SLC38A1: variants seen among roughly 807,000 people sequenced by gnomAD.
SLC38A1 encodes solute carrier family 38 member 1.
A neutral mutation model predicts 60.3 loss-of-function variants in SLC38A1; 18 were observed. The ratio of observed to expected loss-of-function variants is 0.30; its 90% CI spans 0.21 to 0.44. SLC38A1 has a LOEUF of 0.44. SLC38A1 is among the 20% of genes least tolerant of loss of function. SLC38A1 has a pLI of 1.00. For missense variants in SLC38A1, 448 were observed against 587.2 expected (o/e 0.76, Z 2.45); for synonymous variants, 196 against 212.1 (o/e 0.92, Z 0.66).
intron 1 of SLC38A1, among the ~76,000 whole-genome samples, chr12:46,248,144 C>T (rs1373388682): frequency 6.6e-6 from 1 of 152,144 alleles, no homozygotes; most frequent in African/African-American, 2.4e-5. Context: ...GCAAAATAAC[C>T]AACTAACATC....
At chr12:46,230,211 G>C (rs758651980) in intron 3 of SLC38A1, among the ~76,000 whole-genome samples, 1 of 152,128 alleles carries the variant, frequency 6.6e-6, no homozygotes, top group Non-Finnish European at 1.5e-5. Context: ...CTGTTTCACC[G>C]TCAGACATTC....
At chr12:46,206,057 A>T in intron 9 of SLC38A1, 23 bp downstream of exon 9, 1 of 1,555,038 alleles carries the variant, frequency 6.4e-7, no homozygotes, top group Non-Finnish European at 8.9e-7. Context: ...GCAGAATATG[A>T]TAAAAGCAAA....
chr12:46,217,756 T>G (rs1328672218), intron 5 of SLC38A1, among the ~76,000 whole-genome samples: 1 of 152,212 alleles, frequency 6.6e-6, no homozygotes, highest in Non-Finnish European at 1.5e-5. Context: ...ACGGTGACCT[T>G]GTAGCATGTG....
chr12:46,220,478 A>G (rs935813868), intron 5 of SLC38A1, among the ~76,000 whole-genome samples: 1 of 152,200 alleles, frequency 6.6e-6, no homozygotes, highest in African/African-American at 2.4e-5. Flanking sequence ...ATCATCCGGA[A>G]GAGTAGGGTT....
At chr12:46,199,524 AT>A (rs113315443) in intron 13 of SLC38A1, among the ~76,000 whole-genome samples, 2,343 of 137,614 alleles carry the variant, frequency 0.017, 37 homozygotes, top group East Asian at 0.084. Flanking sequence ...TAATTTTTGT[AT>A]TTTTTTTTTT....
intron 1 of SLC38A1, among the ~76,000 whole-genome samples, chr12:46,256,162 T>C (rs990474334): frequency 1.1e-4 from 14 of 122,552 alleles, no homozygotes; most frequent in Admixed American, 6.9e-4. Flanking sequence ...AGAGGTTCTA[T>C]CTCAAAAAAA....
chr12:46,268,641 G>A lies in SLC38A1; in HGVS notation c.-324C>T. 1 of 237,334 alleles carries A rather than the reference G, an allele frequency of 4.2e-6. No homozygotes were observed. The highest frequency in any genetic ancestry group is 3.7e-5 in the South Asian group (1 of 27,038). The allele number at this position is 237,334 out of a possible 1,614,324, so 14.7% of individuals were successfully genotyped here. On this transcript the variant is annotated 5_prime_UTR_variant, in exon 1 of 17. Coordinates refer to ENST00000398637, the MANE Select transcript of SLC38A1 (RefSeq NM_030674.4). The surrounding 1 kb of genome is among the most constrained non-coding windows in gnomAD (Gnocchi z 4.4). ...GTCAAGGTCTGGCTGCGGAGGCCGG[G>A]AAAATGTGGCCCCCGTCAGTAAGGG... is the stretch of plus-strand genomic sequence containing the variant.
intron 5 of SLC38A1, among the ~76,000 whole-genome samples, chr12:46,216,628 A>G (rs769298808): frequency 6.6e-6 from 1 of 152,198 alleles, no homozygotes; most frequent in Non-Finnish European, 1.5e-5. Context: ...AGGTGGGCAG[A>G]TTGCCTGAGC....
In SLC38A1 at chr12:46,186,130, T is replaced by C. The variant is rs1938929296; in HGVS notation, c.*2840A>G. On this transcript the variant is annotated 3_prime_UTR_variant, in exon 17 of 17. Transcript: ENST00000398637. Reference sequence around the variant, plus strand: ...TCTCTAAAGGAAAATACATTCCAGGTTGCAAACAACCAACTGACAACCTTT... The same window carrying C: ...TCTCTAAAGGAAAATACATTCCAGGCTGCAAACAACCAACTGACAACCTTT... The C allele has an allele frequency of 6.6e-6, 1 of 152,138 alleles. No individual in the cohort carries two copies. Among genetic ancestry groups the C allele is most frequent in the Non-Finnish European group, 1.5e-5 (1 of 68,020 alleles). The allele number at this position is 152,138 out of a possible 1,614,324, so 9.4% of individuals were successfully genotyped here.
chr12:46,196,328 C>G, intron 16 of SLC38A1: 1 of 1,530,968 alleles, frequency 6.5e-7, no homozygotes, highest in Non-Finnish European at 8.7e-7. Flanking sequence ...ACATGGCATA[C>G]CATCCTGGGT....
chr12:46,239,620 G>A lies in SLC38A1; in HGVS notation c.122+59C>T. 6 of 1,597,422 alleles carry A rather than the reference G, an allele frequency of 3.8e-6. No homozygotes were observed. The South Asian group carries it at 4.4e-5, about 12-fold the overall frequency. ...GGCCTCCCAAAGTGATGGGATTACA[G>A]GTGTGAGCCACGAGCCATTTCTTTC... On this transcript the variant is annotated intron_variant, in intron 3 of 16. Transcript: ENST00000398637.
Position 46,258,696 on chromosome 12 carries a change from C to G in SLC38A1, c.-209+9830G>C, listed in dbSNP as rs553188513. On this transcript the variant is annotated intron_variant, in intron 1 of 16. Transcript: ENST00000398637. Reference sequence around the variant, plus strand: ...TGAGATGAAATCTCACTCTGTCACCCAGGCTGGAGTGTAGTGATGAGATCT... The same window carrying G: ...TGAGATGAAATCTCACTCTGTCACCGAGGCTGGAGTGTAGTGATGAGATCT... Among the ~76,000 whole-genome samples, 119 of 152,318 alleles carry G rather than the reference C, an allele frequency of 7.8e-4. No homozygotes were observed. The South Asian group carries it at 0.011, about 14-fold the overall frequency.
chr12:46,199,648 C>T (rs931103792), intron 13 of SLC38A1, among the ~76,000 whole-genome samples: 1 of 151,962 alleles, frequency 6.6e-6, no homozygotes, highest in Non-Finnish European at 1.5e-5. Context: ...TGCAAGCCAC[C>T]GTACCTGGCC....
At position 46,203,072 on chromosome 12, in the gene SLC38A1, G is replaced by A. The variant is rs200726994; in HGVS notation, c.840C>T (p.Pro280=). ...GGCAAACAAATGCAAATGCAATGGT[G>A]GGTAAAGCATACACGGTCTATTTGA... ...TFNSKTVYAL[P]TIAFAFVCHP... Residue 280 remains proline, a synonymous_variant, in exon 12 of 17, where the codon CCC becomes CCT. Transcript: ENST00000398637. 1 of 1,613,874 alleles carries A rather than the reference G, an allele frequency of 6.2e-7. No homozygotes were observed. The highest frequency in any genetic ancestry group is 8.5e-7 in the Non-Finnish European group (1 of 1,179,828).
chr12:46,227,205 C>T (rs74082026), intron 5 of SLC38A1, among the ~76,000 whole-genome samples: 2,552 of 152,190 alleles, frequency 0.017, 64 homozygotes, highest in African/African-American at 0.054. Context: ...TATATCCAAC[C>T]AAACTACCAA....
chr12:46,211,127 G>A (rs1308551029), intron 5 of SLC38A1, among the ~76,000 whole-genome samples: 1 of 152,180 alleles, frequency 6.6e-6, no homozygotes, highest in African/African-American at 2.4e-5. Flanking sequence ...GTTTCTTGCA[G>A]AGTTCACTTG....
chr12:46,229,671 AT>A lies in SLC38A1; in HGVS notation c.123-33del, dbSNP rs568745005. 6.1e-4 allele frequency: 949 copies of A among 1,560,054 alleles called. 9 individuals are homozygous for A. In the African/African-American group the frequency reaches 0.011, roughly 19 times the overall value. On this transcript the variant is annotated intron_variant, in intron 3 of 16. Coordinates refer to ENST00000398637, the MANE Select transcript of SLC38A1 (RefSeq NM_030674.4). ...AGACATGCGTAATATATTTAACCTT[AT>A]GATAATGATTTGAAGCTTGACATCT...
In SLC38A1 at chr12:46,206,107, G is replaced by A; in HGVS notation, c.619C>T (p.Leu207Phe). The A allele has an allele frequency of 6.2e-7, 1 of 1,612,102 alleles. No homozygotes were observed. Among genetic ancestry groups the A allele is most frequent in the Non-Finnish European group, 8.5e-7 (1 of 1,178,676 alleles). The change falls in exon 9 of 17, where the codon CTC (leucine) becomes TTC (phenylalanine). Residue 207 changes from leucine to phenylalanine, a missense_variant. Coordinates refer to ENST00000398637, the MANE Select transcript of SLC38A1 (RefSeq NM_030674.4). ...AAGTTCTTCAAGAGACACAGAGGGAGAATTATGCCAAAGGTAACTATCACC... is the reference window on the plus strand; with the variant it reads ...AAGTTCTTCAAGAGACACAGAGGGAAAATTATGCCAAAGGTAACTATCACC... ...LVVIVTFGII[L>F]PLCLLKNLGY... is the part of the protein sequence containing the mutation.
rs944278565 is a variant in SLC38A1, at chr12:46,184,072, T to G, written c.*4898A>C. On this transcript the variant is annotated 3_prime_UTR_variant, in exon 17 of 17. Coordinates refer to ENST00000398637, the MANE Select transcript of SLC38A1 (RefSeq NM_030674.4). ...TGCATAGATTCTTCCTTTAAAAACG[T>G]AAATTTGAGCCTGTATACAGATGGG... 6.6e-6 allele frequency: 1 copy of G among 152,624 alleles called. No individual in the cohort carries two copies. The highest frequency in any genetic ancestry group is 2.4e-5 in the African/African-American group (1 of 41,458). The allele number at this position is 152,624 out of a possible 1,614,324, so 9.5% of individuals were successfully genotyped here.
Sources: gnomAD v4.1 joint callset for allele counts (sites outside exome capture counted in the v4.1 genomes callset) on GRCh38, gnomAD v4.1.1 for gene constraint, Gnocchi (gnomAD v3.1) non-coding constraint, MANE v1.5 for transcripts, NCBI Gene and HGNC (gene_info 2026-07-23, HGNC 2026-07-21) for gene names.